SCUBE1: variants seen among roughly 807,000 people sequenced by gnomAD.
SCUBE1 encodes the protein signal peptide, CUB domain and EGF like domain containing 1.
SCUBE1 carries 59 observed loss-of-function variants against 124.4 expected under a neutral mutation model. The observed-to-expected ratio is 0.47, with a 90% CI of 0.38 to 0.59. The LOEUF is 0.59. Ranked by LOEUF, SCUBE1 falls within the 20% of genes least tolerant of loss-of-function variation. SCUBE1 has a pLI of 0.00. For synonymous variants in SCUBE1, 545 were observed against 550.9 expected, an observed-to-expected ratio of 0.99 and a Z score of 0.15; for missense variants, 1,150 against 1,371.2, an observed-to-expected ratio of 0.84 and a Z score of 2.55.
At chr22:43,321,508 G>A (rs1035052538) in intron 2 of SCUBE1, among the ~76,000 whole-genome samples, 2 of 152,206 alleles carry the variant, frequency 1.3e-5, no homozygotes, top group African/African-American at 4.8e-5. Context: ...CAGAGATGCT[G>A]CAGAGCAAAG....
chr22:43,267,497 A>T (rs1197972522), intron 4 of SCUBE1, among the ~76,000 whole-genome samples: 1 of 152,168 alleles, frequency 6.6e-6, no homozygotes, highest in Non-Finnish European at 1.5e-5. Context: ...CTGATGTGGG[A>T]AATTCGCAGC....
At chr22:43,333,421 G>A (rs1179253911) in intron 2 of SCUBE1, among the ~76,000 whole-genome samples, 1 of 152,188 alleles carries the variant, frequency 6.6e-6, no homozygotes, top group Non-Finnish European at 1.5e-5. Flanking sequence ...ATGTCCACTG[G>A]CCATAAGACA....
intron 1 of SCUBE1, among the ~76,000 whole-genome samples, chr22:43,342,124 C>T (rs1021357064): frequency 3.9e-5 from 6 of 151,992 alleles, no homozygotes; most frequent in African/African-American, 1.2e-4. Flanking sequence ...CCGGGAAGGA[C>T]GTGCAGGACC....
At chr22:43,338,454 C>T (rs1244363072) in intron 2 of SCUBE1, among the ~76,000 whole-genome samples, 1 of 152,190 alleles carries the variant, frequency 6.6e-6, no homozygotes, top group Admixed American at 6.5e-5. Context: ...TCTTTGCACT[C>T]CACCCCCATA....
At chr22:43,281,455 T>C (rs868780741) in intron 4 of SCUBE1, among the ~76,000 whole-genome samples, 30 of 53,630 alleles carry the variant, frequency 5.6e-4, no homozygotes, top group South Asian at 1.6e-3. Context: ...TCCTGTCATC[T>C]CCCTCAGCCA....
chr22:43,239,721 A>G (rs1922926066), intron 6 of SCUBE1, among the ~76,000 whole-genome samples: 1 of 152,192 alleles, frequency 6.6e-6, no homozygotes, highest in Admixed American at 6.5e-5. Context: ...GGTCTCTGCC[A>G]CCTGGGTTTC....
chr22:43,200,271 A>C lies in SCUBE1; in HGVS notation c.*3726T>G, dbSNP rs1263547135. ...TTCTTGGCTCCTCTCCCTGGAGCAC[A>C]GCGTGCGGCGCTGGGGACCTCATCA... On this transcript the variant is annotated 3_prime_UTR_variant, in exon 22 of 22. Coordinates refer to ENST00000360835, the MANE Select transcript of SCUBE1 (RefSeq NM_173050.5). 1 of 152,304 alleles carries C rather than the reference A, an allele frequency of 6.6e-6. No homozygotes were observed. The highest frequency in any genetic ancestry group is 1.5e-5 in the Non-Finnish European group (1 of 68,088). The allele number at this position is 152,304 out of a possible 1,614,324, so 9.4% of individuals were successfully genotyped here. A position where few individuals can be genotyped will look rare whatever the true frequency, so the allele number is the denominator to read the frequency against.
In SCUBE1 at chr22:43,202,939, C is replaced by T. The variant is rs539997044; in HGVS notation, c.*1058G>A. ...TGCTGACACCTGGGCATAGTACGGA[C>T]CCCAAGGTCACTGCCACAGGGCAAG... On this transcript the variant is annotated 3_prime_UTR_variant, in exon 22 of 22. Coordinates refer to ENST00000360835, the MANE Select transcript of SCUBE1 (RefSeq NM_173050.5). 1 of 152,308 alleles carries T rather than the reference C, an allele frequency of 6.6e-6. No homozygotes were observed. 9.4% of individuals were successfully genotyped at this position (152,308 alleles called of 1,614,324 possible). A position where few individuals can be genotyped will look rare whatever the true frequency, so the allele number is the denominator to read the frequency against.
rs763398757 is a variant in SCUBE1, at chr22:43,204,160, G to C, written c.2815-11C>G. On this transcript the variant is annotated splice_polypyrimidine_tract_variant and intron_variant, in intron 21 of 21. Transcript: ENST00000360835. ...GATCAGCTTCTTGTCCTGTAAGATA[G>C]AGTGGGTGGGAGGCAGGGGAGGCTT... The C allele has an allele frequency of 4.3e-6, 7 of 1,613,728 alleles. No individual in the cohort carries two copies. The South Asian group carries it at 6.6e-5, about 15-fold the overall frequency.
At chr22:43,325,127 G>A (rs1926680133) in intron 2 of SCUBE1, among the ~76,000 whole-genome samples, 1 of 151,742 alleles carries the variant, frequency 6.6e-6, no homozygotes, top group African/African-American at 2.4e-5. Context: ...GTGAGGCCAG[G>A]GTAAGAGCTG....
intron 6 of SCUBE1, among the ~76,000 whole-genome samples, chr22:43,244,537 G>A (rs1923130298): frequency 2.0e-5 from 3 of 152,228 alleles, no homozygotes; most frequent in Admixed American, 6.5e-5. Flanking sequence ...GCTGGGAGGC[G>A]AGGTGGGCAG....
intron 2 of SCUBE1, among the ~76,000 whole-genome samples, chr22:43,330,921 C>G (rs1926883498): frequency 6.6e-6 from 1 of 152,154 alleles, no homozygotes; most frequent in African/African-American, 2.4e-5. Flanking sequence ...TGTTTTAAGA[C>G]TTGAAGGAGA....
chr22:43,238,768 A>G, intron 7 of SCUBE1, 70 bp downstream of exon 7: 1 of 1,280,524 alleles, frequency 7.8e-7, no homozygotes, highest in South Asian at 1.2e-5. Context: ...GGGCCCGGCT[A>G]TGCAAGCACA....
chr22:43,299,564 A>G (rs1000947367), intron 3 of SCUBE1, among the ~76,000 whole-genome samples: 1 of 152,146 alleles, frequency 6.6e-6, no homozygotes, highest in Non-Finnish European at 1.5e-5. Context: ...GTCTGCTTGG[A>G]GGATGTGGGT....
chr22:43,220,904 G>A (rs1033092210), intron 13 of SCUBE1, among the ~76,000 whole-genome samples: 4 of 152,170 alleles, frequency 2.6e-5, no homozygotes, highest in African/African-American at 7.2e-5. Context: ...AGCCTGCTGC[G>A]TGCTGAGAGC....
At chr22:43,336,465 G>A (rs1394295286) in intron 2 of SCUBE1, among the ~76,000 whole-genome samples, 3 of 152,184 alleles carry the variant, frequency 2.0e-5, no homozygotes, top group African/African-American at 4.8e-5. Flanking sequence ...GCAGACCCGC[G>A]CTAGTGCCAG....
chr22:43,300,708 G>C (rs1001946034), intron 3 of SCUBE1, among the ~76,000 whole-genome samples: 2 of 152,114 alleles, frequency 1.3e-5, no homozygotes, highest in African/African-American at 2.4e-5. Context: ...GCCTCAGGCA[G>C]CACTAGGTAC....
At chr22:43,298,999 C>CT (rs1925668746) in intron 3 of SCUBE1, among the ~76,000 whole-genome samples, 1 of 151,630 alleles carries the variant, frequency 6.6e-6, no homozygotes, top group Non-Finnish European at 1.5e-5. Context: ...TTGCAGTGAG[C>CT]CAGACCGCAC....
At chr22:43,264,177 G>A (rs1334995170) in intron 4 of SCUBE1, among the ~76,000 whole-genome samples, 1 of 152,234 alleles carries the variant, frequency 6.6e-6, no homozygotes, top group East Asian at 1.9e-4. Context: ...GCCATAGCAC[G>A]TCCCTTTCTT....
Sources: gnomAD v4.1 joint callset for allele counts (sites outside exome capture counted in the v4.1 genomes callset) on GRCh38, gnomAD v4.1.1 for gene constraint, MANE v1.5 for transcripts, NCBI Gene and HGNC (gene_info 2026-07-23, HGNC 2026-07-21) for gene names.